The following BICRA variants were observed in gnomAD, a reference collection of about 807,000 sequenced individuals.
BICRA encodes the protein BRD4-interacting chromatin-remodeling complex-associated protein.
Under a neutral mutation model 96.9 loss-of-function variants are expected in BICRA, and 31 were observed. That is an observed-to-expected ratio of 0.32 (90% CI 0.24 to 0.43). The LOEUF is 0.43. BICRA is among the 20% of genes least tolerant of loss of function. BICRA has a pLI of 1.00. For missense variants in BICRA, 2,283 were observed against 2,190.3 expected (o/e 1.04, Z -0.84); for synonymous variants, 1,350 against 1,071.8 (o/e 1.26, Z -5.07).
chr19:47,634,912 G>A (rs1443978336), intron 1 of BICRA, among the ~76,000 whole-genome samples: 2 of 151,636 alleles, frequency 1.3e-5, no homozygotes, highest in African/African-American at 2.4e-5. Context: ...GCAGGCACCC[G>A]CCACCATGCC....
chr19:47,662,916 C>T (rs376929274), intron 1 of BICRA: 2 of 152,288 alleles, frequency 1.3e-5, no homozygotes, highest in South Asian at 4.1e-4. Flanking sequence ...AATCAGTGAC[C>T]CACAAAGAAC....
In BICRA at chr19:47,635,867, G is replaced by T. The variant is rs188146566; in HGVS notation, c.-108+26699G>T. On this transcript the variant is annotated intron_variant, in intron 1 of 14. Coordinates refer to ENST00000594866, the MANE Select transcript of BICRA (RefSeq NM_001394372.1). The stretch of plus-strand genomic sequence containing the variant: ...TTTTCTGCTGAAATGGATAAACTTG[G>T]ATTGTTTCCACCTTTTAACTACAAG... Among the ~76,000 whole-genome samples, 9 of 152,170 alleles carry T rather than the reference G, an allele frequency of 5.9e-5. No individual in the cohort carries two copies. In the East Asian group the frequency reaches 1.7e-3, roughly 29 times the overall value.
intron 1 of BICRA, among the ~76,000 whole-genome samples, chr19:47,640,134 G>C (rs994829339): frequency 2.6e-5 from 4 of 152,196 alleles, no homozygotes; most frequent in Non-Finnish European, 5.9e-5. Flanking sequence ...CCAAAAATGA[G>C]AGTAACATTT....
intron 1 of BICRA, among the ~76,000 whole-genome samples, chr19:47,618,577 C>G (rs551049589): frequency 6.6e-6 from 1 of 152,076 alleles, no homozygotes; most frequent in African/African-American, 2.4e-5. Flanking sequence ...CCCCCCAGCC[C>G]GGCCCCGCTA....
chr19:47,694,468 CCCT>C lies in BICRA; in HGVS notation c.2640_2642del (p.Pro881del). On this transcript the variant is annotated inframe_deletion, in exon 8 of 15. Coordinates refer to ENST00000594866, the MANE Select transcript of BICRA (RefSeq NM_001394372.1). Reference sequence around the variant, plus strand: ...GACCGCTGCCCCCAGCCCCCCACCTCCCTCCATCCTCCACCTCCTCTGCTGTGG... The same window carrying C: ...GACCGCTGCCCCCAGCCCCCCACCTCCCATCCTCCACCTCCTCTGCTGTGG... The C allele has an allele frequency of 8.4e-7, 1 of 1,191,202 alleles. No homozygotes were observed. Among genetic ancestry groups the C allele is most frequent in the Non-Finnish European group, 1.2e-6 (1 of 804,392 alleles). 73.8% of individuals were successfully genotyped at this position (1,191,202 alleles called of 1,614,324 possible). A position where few individuals can be genotyped will look rare whatever the true frequency, so the allele number is the denominator to read the frequency against.
rs1973035345 is a variant in BICRA at position 47,680,801 on chromosome 19, C to T, written c.1631C>T (p.Ala544Val). 2 of 1,608,440 alleles carry T rather than the reference C, an allele frequency of 1.2e-6. No homozygotes were observed. The highest frequency in any genetic ancestry group is 8.5e-7 in the Non-Finnish European group (1 of 1,178,840). ...GCCCACAGCGCGCACATCCTCTCCG[C>T]CGCTCCCATCCAGGTGGGCCAGCCT... is the stretch of plus-strand genomic sequence containing the variant. Reference protein sequence around the residue: ...SGAHSAHILSAAPIQVGQPAL... With the variant: ...SGAHSAHILSVAPIQVGQPAL... Residue 544 changes from alanine (A) to valine (V), a missense_variant, in exon 6 of 15, where the codon GCC (alanine) becomes GTC (valine). By Grantham distance (64) the Ala-to-Val change is moderately conservative. Transcript: ENST00000594866.
At chr19:47,671,425 G>A (rs1972860005) in intron 2 of BICRA, among the ~76,000 whole-genome samples, 1 of 152,160 alleles carries the variant, frequency 6.6e-6, no homozygotes, top group South Asian at 2.1e-4. Flanking sequence ...AAAAAAAGAG[G>A]GTAAGGGAAC....
chr19:47,668,766 C>T lies in BICRA; in HGVS notation c.-107-1677C>T, dbSNP rs527524839. Among the ~76,000 whole-genome samples, 455 of 151,984 alleles carry T rather than the reference C, an allele frequency of 3.0e-3. 2 individuals are homozygous for T. Among genetic ancestry groups the T allele is most frequent in the Non-Finnish European group, 5.3e-3 (363 of 67,974 alleles). On this transcript the variant is annotated intron_variant, in intron 1 of 14. Transcript: ENST00000594866. Reference sequence around the variant, plus strand: ...CTCAGCATCCCAAAGTGCCAGGATACAGGCATGAGCCACGGCGCCCGGCTG... The same window carrying T: ...CTCAGCATCCCAAAGTGCCAGGATATAGGCATGAGCCACGGCGCCCGGCTG...
At chr19:47,641,070 A>ATTTTTTTTTTTTTT (rs71180861) in intron 1 of BICRA, among the ~76,000 whole-genome samples, 12 of 104,526 alleles carry the variant, frequency 1.1e-4, no homozygotes, top group Non-Finnish European at 1.5e-4. Context: ...TGCCTGGCTA[A>ATTTTTTTTTTTTTT]TTTTTTTTTT....
intron 4 of BICRA, 138 bp downstream of exon 4, chr19:47,673,900 C>A: frequency 1.3e-6 from 1 of 762,322 alleles, no homozygotes; most frequent in Non-Finnish European, 2.3e-6. Context: ...GGAGTTACGG[C>A]CATGAGCAAA....
At chr19:47,615,461 G>C (rs1194787589) in intron 1 of BICRA, among the ~76,000 whole-genome samples, 1 of 152,178 alleles carries the variant, frequency 6.6e-6, no homozygotes, top group Non-Finnish European at 1.5e-5. Flanking sequence ...TTGCCACCTG[G>C]TGTGGAGGTC....
At chr19:47,633,004 G>T (rs1217825517) in intron 1 of BICRA, among the ~76,000 whole-genome samples, 1 of 151,902 alleles carries the variant, frequency 6.6e-6, no homozygotes, top group Non-Finnish European at 1.5e-5. Flanking sequence ...CCACAGTAAG[G>T]GTTGATAAAG....
At chr19:47,651,730 G>A (rs764574093) in intron 1 of BICRA, among the ~76,000 whole-genome samples, 4 of 152,222 alleles carry the variant, frequency 2.6e-5, no homozygotes, top group East Asian at 1.9e-4. Flanking sequence ...TGGGAGGTCA[G>A]TTAGAAGTCC....
At chr19:47,631,159 G>T (rs749035968) in intron 1 of BICRA, among the ~76,000 whole-genome samples, 1 of 151,982 alleles carries the variant, frequency 6.6e-6, no homozygotes, top group Non-Finnish European at 1.5e-5. Context: ...GGGTTCAAGC[G>T]ATTCTTTCAC....
At position 47,675,776 on chromosome 19, in the gene BICRA, T is replaced by C. The variant is rs182845592; in HGVS notation, c.85-75T>C. The C allele has an allele frequency of 1.8e-6, 2 of 1,133,810 alleles. No homozygotes were observed. The highest frequency in any genetic ancestry group is 2.0e-5 in the Admixed American group (1 of 51,080). The allele number at this position is 1,133,810 out of a possible 1,614,324, so 70.2% of individuals were successfully genotyped here. A position where few individuals can be genotyped will look rare whatever the true frequency, so the allele number is the denominator to read the frequency against. On this transcript the variant is annotated intron_variant, in intron 4 of 14. Coordinates refer to ENST00000594866, the MANE Select transcript of BICRA (RefSeq NM_001394372.1). This position sits in a 1 kb window ranked among gnomAD's most constrained non-coding sequence, Gnocchi z 4.7. The stretch of plus-strand genomic sequence containing the variant: ...CTTGTCTTTTTGTCCTGAGTGACCC[T>C]AAATTGGTTTCTGCTCCAGAGCATG...
chr19:47,667,140 TC>T (rs755134265), intron 1 of BICRA, among the ~76,000 whole-genome samples: 35 of 151,840 alleles, frequency 2.3e-4, no homozygotes, highest in Non-Finnish European at 4.0e-4. Flanking sequence ...TGCCTCAGCC[TC>T]CCGAGTCGCT....
chr19:47,665,738 A>C (rs986954285), intron 1 of BICRA, among the ~76,000 whole-genome samples: 2 of 152,204 alleles, frequency 1.3e-5, no homozygotes, highest in Admixed American at 1.3e-4. Context: ...GAGGGTGCAC[A>C]CAGTGCAGGT....
intron 1 of BICRA, among the ~76,000 whole-genome samples, chr19:47,646,090 C>A (rs1363085619): frequency 1.3e-5 from 2 of 151,938 alleles, no homozygotes; most frequent in Non-Finnish European, 2.9e-5. Context: ...AGAGTGAGAC[C>A]CTGTCTCCAA....
chr19:47,649,584 G>A (rs575927459), intron 1 of BICRA, among the ~76,000 whole-genome samples: 16 of 152,266 alleles, frequency 1.1e-4, no homozygotes, highest in Middle Eastern at 3.4e-3. Context: ...TGAGGTTAGG[G>A]AATTAGTAGA....
Sources: allele counts gnomAD v4.1 joint callset (sites outside exome capture counted in the v4.1 genomes callset), GRCh38; gene constraint gnomAD v4.1.1; non-coding constraint Gnocchi (gnomAD v3.1); transcripts MANE v1.5; gene names NCBI Gene and HGNC (gene_info 2026-07-23, HGNC 2026-07-21).